The following PTP4A2 variants were observed in gnomAD, a reference collection of about 807,000 sequenced individuals.
The protein encoded by PTP4A2 is protein tyrosine phosphatase type IVA 2.
In PTP4A2, 2 loss-of-function variants were observed where a neutral mutation model predicts 22.9. That is an observed-to-expected ratio of 0.09 (90% CI 0.04 to 0.27). PTP4A2 has a LOEUF of 0.27. Among genes scored for constraint, PTP4A2 ranks in the 10% least tolerant of loss-of-function variants. PTP4A2 has a pLI of 1.00. For synonymous variants in PTP4A2, 68 were observed against 69.1 expected (o/e 0.98, Z 0.08); for missense variants, 103 against 205.1 (o/e 0.50, Z 3.04).
At chr1:31,930,560 A>G (rs1022553490) in intron 1 of PTP4A2, among the ~76,000 whole-genome samples, 17 of 152,208 alleles carry the variant, frequency 1.1e-4, no homozygotes, top group Non-Finnish European at 2.2e-4. Flanking sequence ...TGAGCCCCAG[A>G]AATGTTTCTG....
chr1:31,908,147 T>C lies in PTP4A2; in HGVS notation c.*705A>G, dbSNP rs1391874802. On this transcript the variant is annotated 3_prime_UTR_variant, in exon 6 of 6. Transcript: ENST00000647444. ...ATATATATATATATTATATTATATA[T>C]ATATATATATATATATATATATATA... 8.6e-3 allele frequency: 4 copies of C among 464 alleles called. No homozygotes were observed. Among genetic ancestry groups the C allele is most frequent in the Non-Finnish European group, 0.019 (3 of 154 alleles). The allele number at this position is 464 out of a possible 1,614,324, so 0.0% of individuals were successfully genotyped here. A position where few individuals can be genotyped will look rare whatever the true frequency, so the allele number is the denominator to read the frequency against.
At chr1:31,925,190 T>C (rs907649225) in intron 1 of PTP4A2, among the ~76,000 whole-genome samples, 4 of 152,202 alleles carry the variant, frequency 2.6e-5, no homozygotes, top group African/African-American at 9.7e-5. Flanking sequence ...ACATATACCT[T>C]TTGAACTGTT....
At chr1:31,909,708 C>A (rs1651433666) in intron 5 of PTP4A2, among the ~76,000 whole-genome samples, 1 of 151,660 alleles carries the variant, frequency 6.6e-6, no homozygotes, top group South Asian at 2.1e-4. Flanking sequence ...ATTAACTGCT[C>A]CTCTACACAT....
Position 31,910,025 on chromosome 1 carries a change from A to T in PTP4A2, c.395+13T>A, listed in dbSNP as rs568941180. The T allele has an allele frequency of 8.0e-5, 127 of 1,596,884 alleles. 1 individual carries two copies. In the African/African-American group the frequency reaches 1.5e-3, roughly 19 times the overall value. Reference sequence around the variant, plus strand: ...GCTTTCTGTGTTTCTGAACACAAAAACTTCATACTCACTGTCTTATAAACT... The same window carrying T: ...GCTTTCTGTGTTTCTGAACACAAAATCTTCATACTCACTGTCTTATAAACT... On this transcript the variant is annotated intron_variant, in intron 5 of 5. Transcript: ENST00000647444.
rs963746525 is a variant in PTP4A2, at chr1:31,931,231, G to A, written c.-594+6756C>T. ...AATTTTAAAGATACAAAGTAAGCGT[G>A]AGAAGAATGGAGTAGGATTAAGACT... On this transcript the variant is annotated intron_variant, in intron 1 of 5. Coordinates refer to ENST00000647444, the MANE Select transcript of PTP4A2 (RefSeq NM_080391.4). The A allele has an allele frequency of 2.0e-5, 3 of 152,350 alleles. 1 individual carries two copies. The highest frequency in any genetic ancestry group is 6.8e-3 in the Middle Eastern group (2 of 294). The allele number at this position is 152,350 out of a possible 1,614,324, so 9.4% of individuals were successfully genotyped here.
At chr1:31,921,470 CTT>C (rs1318580876) in intron 1 of PTP4A2, 1 of 152,190 alleles carries the variant, frequency 6.6e-6, no homozygotes, top group Non-Finnish European at 1.5e-5. Context: ...TTCACACACA[CTT>C]CTCCCCAAAC....
At chr1:31,935,271 C>CA (rs1475628515) in intron 1 of PTP4A2, among the ~76,000 whole-genome samples, 2 of 152,170 alleles carry the variant, frequency 1.3e-5, no homozygotes, top group Non-Finnish European at 2.9e-5. Context: ...AAAACTGTCT[C>CA]AAAGCACACA....
intron 3 of PTP4A2, chr1:31,913,908 T>A: frequency 2.2e-6 from 1 of 455,372 alleles, no homozygotes; most frequent in East Asian, 6.9e-5. Context: ...AATAAACTTG[T>A]ATGCAGCTTA....
chr1:31,934,889 T>C lies in PTP4A2; in HGVS notation c.-594+3098A>G, dbSNP rs1264183693. Reference sequence around the variant, plus strand: ...ACAGAGGGAGTGGCCTGACTTTTGCTGTTCTGAGTCAGAAAATACCCCGTT... The same window carrying C: ...ACAGAGGGAGTGGCCTGACTTTTGCCGTTCTGAGTCAGAAAATACCCCGTT... On this transcript the variant is annotated intron_variant, in intron 1 of 5. Transcript: ENST00000647444. 9.2e-5 allele frequency among the ~76,000 whole-genome samples: 14 copies of C among 152,250 alleles called. 1 individual carries two copies. The highest frequency in any genetic ancestry group is 7.8e-4 in the Admixed American group (12 of 15,288).
chr1:31,919,175 T>C lies in PTP4A2; in HGVS notation c.-110A>G. On this transcript the variant is annotated 5_prime_UTR_variant, in exon 2 of 6. Transcript: ENST00000647444. ...CAGCAGAAAACATTAAAAAGACCAC[T>C]AAAATGCCTATTATCAATCAGTGTT... 1 of 576,002 alleles carries C rather than the reference T, an allele frequency of 1.7e-6. No homozygotes were observed. Among genetic ancestry groups the C allele is most frequent in the Non-Finnish European group, 3.1e-6 (1 of 321,864 alleles). 35.7% of individuals were successfully genotyped at this position (576,002 alleles called of 1,614,324 possible). A position where few individuals can be genotyped will look rare whatever the true frequency, so the allele number is the denominator to read the frequency against.
At chr1:31,930,295 G>T (rs946861182) in intron 1 of PTP4A2, among the ~76,000 whole-genome samples, 2 of 152,002 alleles carry the variant, frequency 1.3e-5, no homozygotes, top group African/African-American at 4.8e-5. Context: ...AGCCGAGATT[G>T]TGCCACTGCA....
intron 1 of PTP4A2, among the ~76,000 whole-genome samples, chr1:31,926,143 A>T (rs1406884244): frequency 7.6e-6 from 1 of 131,062 alleles, no homozygotes; most frequent in East Asian, 2.0e-4. Flanking sequence ...ATTAAAAAAA[A>T]AAAAAAATAT....
chr1:31,930,269 G>C (rs1227659707), intron 1 of PTP4A2, among the ~76,000 whole-genome samples: 1 of 152,028 alleles, frequency 6.6e-6, no homozygotes, highest in East Asian at 1.9e-4. Flanking sequence ...ACCCCGGGGG[G>C]GCGGAACCTG....
Position 31,908,735 on chromosome 1 carries a change from G to A in PTP4A2, c.*117C>T. ...TCCAATCATTAGGAGAGTGGTTGAG[G>A]AGTACTGAATCCATCACTACTTTGA... On this transcript the variant is annotated 3_prime_UTR_variant, in exon 6 of 6. Coordinates refer to ENST00000647444, the MANE Select transcript of PTP4A2 (RefSeq NM_080391.4). 1 of 655,664 alleles carries A rather than the reference G, an allele frequency of 1.5e-6. No individual in the cohort carries two copies. The highest frequency in any genetic ancestry group is 2.7e-6 in the Non-Finnish European group (1 of 369,860). The allele number at this position is 655,664 out of a possible 1,614,324, so 40.6% of individuals were successfully genotyped here.
chr1:31,910,417 A>G (rs1336963966), intron 4 of PTP4A2: 3 of 231,602 alleles, frequency 1.3e-5, no homozygotes, highest in African/African-American at 6.8e-5. Flanking sequence ...AGTTCCTCAA[A>G]TAGCTCGGAC....
At chr1:31,911,575 T>C (rs1385589980) in intron 4 of PTP4A2, 121 bp downstream of exon 4, 5 of 953,348 alleles carry the variant, frequency 5.2e-6, no homozygotes, top group Non-Finnish European at 1.4e-6. Context: ...TTTCCTTTCC[T>C]TTCAGGTAAT....
chr1:31,913,743 A>G, intron 3 of PTP4A2: 1 of 453,402 alleles, frequency 2.2e-6, no homozygotes, highest in Non-Finnish European at 4.4e-6. Context: ...TCCTCAAACT[A>G]GTTCAAGTTC....
chr1:31,920,772 A>G (rs968884722), intron 1 of PTP4A2, among the ~76,000 whole-genome samples: 1 of 152,022 alleles, frequency 6.6e-6, no homozygotes, highest in Non-Finnish European at 1.5e-5. Context: ...TCCTGACCTC[A>G]GGTGATTCGC....
Position 31,928,200 on chromosome 1 carries a change from T to C in PTP4A2, c.-593-8542A>G, listed in dbSNP as rs543114716. 2.0e-3 allele frequency among the ~76,000 whole-genome samples: 284 copies of C among 144,298 alleles called. 1 individual carries two copies. The highest frequency in any genetic ancestry group is 3.4e-3 in the Non-Finnish European group (224 of 66,624). The allele number at this position is 144,298 out of a possible 152,430, so 94.7% of individuals were successfully genotyped here. On this transcript the variant is annotated intron_variant, in intron 1 of 5. Coordinates refer to ENST00000647444, the MANE Select transcript of PTP4A2 (RefSeq NM_080391.4). ...ACAAATATATATTATAACATATATTTATATATTATAATATATAAATATAAT... is the reference window on the plus strand; with the variant it reads ...ACAAATATATATTATAACATATATTCATATATTATAATATATAAATATAAT...
Sources: allele counts gnomAD v4.1 joint callset (sites outside exome capture counted in the v4.1 genomes callset), GRCh38; gene constraint gnomAD v4.1.1; transcripts MANE v1.5; gene names NCBI Gene and HGNC (gene_info 2026-07-23, HGNC 2026-07-21).